GAB1: variants seen among roughly 807,000 people sequenced by gnomAD.
The protein encoded by GAB1 is GRB2-associated-binding protein 1.
Under a neutral mutation model 66.5 loss-of-function variants are expected in GAB1, and 19 were observed. The observed-to-expected ratio is 0.29, with a 90% CI of 0.20 to 0.42. The LOEUF is 0.42. Ranked by LOEUF, GAB1 falls within the 10% of genes least tolerant of loss-of-function variation. The pLI, the probability that GAB1 is intolerant of heterozygous loss-of-function variation, is 1.00. For synonymous variants in GAB1, 294 were observed against 301.4 expected (o/e 0.98, Z 0.25); for missense variants, 732 against 858.5 (o/e 0.85, Z 1.84).
Position 143,394,390 on chromosome 4 carries a change from ACCCACCTCAGTTAATCTGTGTGT to A in GAB1, c.73-21084_73-21062del, listed in dbSNP as rs1217252974. Among the ~76,000 whole-genome samples the A allele has an allele frequency of 3.3e-5, 5 of 152,316 alleles. No individual in the cohort carries two copies. The South Asian group carries it at 1.0e-3, about 32-fold the overall frequency. On this transcript the variant is annotated intron_variant, in intron 1 of 9. Transcript: ENST00000262994. ...GTTGACATCCCTCCTTCCCTTGGGA[ACCCACCTCAGTTAATCTGTGTGT>A]CCAATTTAAATGCTTCCATTTGAAG...
At chr4:143,379,480 A>G (rs1730566761) in intron 1 of GAB1, among the ~76,000 whole-genome samples, 1 of 152,162 alleles carries the variant, frequency 6.6e-6, no homozygotes, top group Non-Finnish European at 1.5e-5. Flanking sequence ...CTATGTGCTG[A>G]GACCCTAGGA....
Position 143,385,947 on chromosome 4 carries a change from C to T in GAB1, c.73-29530C>T, listed in dbSNP as rs138597764. 6.2e-3 allele frequency among the ~76,000 whole-genome samples: 944 copies of T among 152,092 alleles called. 14 individuals are homozygous for T. Among genetic ancestry groups the T allele is most frequent in the African/African-American group, 0.022 (902 of 41,482 alleles). The stretch of plus-strand genomic sequence containing the variant: ...TTGAGCCCAGGAGTTCAAGACAAGC[C>T]GGAGCAACATGGTGAAACCCTGTTT... On this transcript the variant is annotated intron_variant, in intron 1 of 9. Coordinates refer to ENST00000262994, the MANE Select transcript of GAB1 (RefSeq NM_002039.4).
intron 1 of GAB1, among the ~76,000 whole-genome samples, chr4:143,372,837 C>G (rs1339033846): frequency 6.6e-6 from 1 of 152,196 alleles, no homozygotes; most frequent in Non-Finnish European, 1.5e-5. Context: ...GTTTTGCCAA[C>G]AGTTTCTCAA....
intron 6 of GAB1, among the ~76,000 whole-genome samples, chr4:143,451,899 TAAAA>T (rs11316624): frequency 1.3e-5 from 2 of 149,004 alleles, no homozygotes; most frequent in Admixed American, 1.3e-4. Context: ...AGTGCTCATT[TAAAA>T]AAAAAAAATC....
At chr4:143,421,904 C>G (rs1733050513) in intron 2 of GAB1, among the ~76,000 whole-genome samples, 1 of 151,958 alleles carries the variant, frequency 6.6e-6, no homozygotes. Flanking sequence ...TCACAATCTA[C>G]TAAAGAGGGA....
At chr4:143,429,438 A>G (rs72949196) in intron 2 of GAB1, among the ~76,000 whole-genome samples, 12,472 of 152,158 alleles carry the variant, frequency 0.082, 980 homozygotes, top group African/African-American at 0.21. Context: ...TTTTAGATCG[A>G]CTTTGTTCCA....
intron 1 of GAB1, chr4:143,349,675 G>A (rs934981905): frequency 6.6e-7 from 1 of 1,512,610 alleles, no homozygotes; most frequent in Non-Finnish European, 9.0e-7. Flanking sequence ...GGGGACAATG[G>A]AGAGCTTGGC....
At chr4:143,440,474 GA>G in intron 6 of GAB1, 92 bp downstream of exon 6, 1 of 1,185,676 alleles carries the variant, frequency 8.4e-7, no homozygotes, top group Non-Finnish European at 1.2e-6. Flanking sequence ...ATTTGGACTA[GA>G]AATTCTGAAA....
chr4:143,365,671 G>A (rs1394023711), intron 1 of GAB1, among the ~76,000 whole-genome samples: 1 of 152,202 alleles, frequency 6.6e-6, no homozygotes, highest in Non-Finnish European at 1.5e-5. Flanking sequence ...TTTTCCCATA[G>A]AGCATTTTTC....
chr4:143,458,992 G>C (rs1295767257), intron 6 of GAB1, among the ~76,000 whole-genome samples: 1 of 151,998 alleles, frequency 6.6e-6, no homozygotes. Flanking sequence ...ATTTTACATA[G>C]ATGATTAAAT....
rs749724378 is a variant in GAB1 at position 143,438,496 on chromosome 4, G to A, written c.1091G>A (p.Arg364His). The A allele has an allele frequency of 3.5e-5, 56 of 1,613,692 alleles. No individual in the cohort carries two copies. The highest frequency in any genetic ancestry group is 3.4e-5 in the Non-Finnish European group (40 of 1,179,940). ...CCTGTGGAAACGTGTAGTATCCCACGCACCGCCTCAGACACTGACAGTAGT... is the reference window on the plus strand; with the variant it reads ...CCTGTGGAAACGTGTAGTATCCCACACACCGCCTCAGACACTGACAGTAGT... The part of the protein sequence containing the change: ...RSPVETCSIP[R>H]TASDTDSSYC... Residue 364 changes from arginine (R) to histidine (H), a missense_variant, in exon 4 of 10, where the codon CGC (arginine) becomes CAC (histidine). Arg to His is a conservative substitution (Grantham distance 29, BLOSUM62 0). Coordinates refer to ENST00000262994, the MANE Select transcript of GAB1 (RefSeq NM_002039.4).
At chr4:143,419,447 G>A (rs1229404557) in intron 2 of GAB1, among the ~76,000 whole-genome samples, 3 of 152,010 alleles carry the variant, frequency 2.0e-5, no homozygotes, top group African/African-American at 7.2e-5. Flanking sequence ...TAGATGAGAG[G>A]TATATTTAGG....
At chr4:143,443,841 G>C (rs1734367622) in intron 6 of GAB1, among the ~76,000 whole-genome samples, 1 of 152,122 alleles carries the variant, frequency 6.6e-6, no homozygotes, top group Non-Finnish European at 1.5e-5. Context: ...ATACAGATGA[G>C]CTTTTCAAAT....
chr4:143,349,859 C>G, intron 1 of GAB1: 1 of 1,581,814 alleles, frequency 6.3e-7, no homozygotes, highest in South Asian at 1.1e-5. Flanking sequence ...TTGAGAGAGG[C>G]CCCCAGGAAA....
intron 1 of GAB1, among the ~76,000 whole-genome samples, chr4:143,356,477 C>CA (rs3840287): frequency 0.47 from 71,268 of 151,998 alleles, 18,153 homozygotes; most frequent in East Asian, 0.74. Context: ...CTTTCATACC[C>CA]ATAGAGGAAT....
rs1037444959 is a variant in GAB1, at chr4:143,474,167, C to A, written c.*4978C>A. The A allele has an allele frequency of 3.3e-5, 5 of 152,220 alleles. No individual in the cohort carries two copies. Among genetic ancestry groups the A allele is most frequent in the African/African-American group, 9.6e-5 (4 of 41,558 alleles). 9.4% of individuals were successfully genotyped at this position (152,220 alleles called of 1,614,324 possible). A position where few individuals can be genotyped will look rare whatever the true frequency, so the allele number is the denominator to read the frequency against. On this transcript the variant is annotated 3_prime_UTR_variant, in exon 10 of 10. Coordinates refer to ENST00000262994, the MANE Select transcript of GAB1 (RefSeq NM_002039.4). ...CCTGATTTAAAATTATACAAAATTA[C>A]TATTTTTGATAAAATAAAGGAACAC...
In GAB1 at chr4:143,369,295, T is replaced by A. The variant is rs1400127790; in HGVS notation, c.72+32035T>A. ...TTTCACCATGTTGGCCAGGTTGGTC[T>A]CAAACTCCTGACCTCAAGTGATCTG... On this transcript the variant is annotated intron_variant, in intron 1 of 9. Coordinates refer to ENST00000262994, the MANE Select transcript of GAB1 (RefSeq NM_002039.4). Among the ~76,000 whole-genome samples, 4 of 152,124 alleles carry A rather than the reference T, an allele frequency of 2.6e-5. No homozygotes were observed. In the South Asian group the frequency reaches 6.2e-4, roughly 24 times the overall value.
chr4:143,375,940 C>T (rs1730398644), intron 1 of GAB1, among the ~76,000 whole-genome samples: 1 of 152,090 alleles, frequency 6.6e-6, no homozygotes, highest in Non-Finnish European at 1.5e-5. Context: ...AATAGCCGCC[C>T]CCTAATTGAG....
chr4:143,428,962 G>A (rs1377438616), intron 2 of GAB1, among the ~76,000 whole-genome samples: 2 of 151,936 alleles, frequency 1.3e-5, no homozygotes, highest in East Asian at 1.9e-4. Context: ...AAACCTGCAC[G>A]TTGTGCACAT....
Sources: gnomAD v4.1 joint callset for allele counts (sites outside exome capture counted in the v4.1 genomes callset) on GRCh38, gnomAD v4.1.1 for gene constraint, MANE v1.5 for transcripts, NCBI Gene and HGNC (gene_info 2026-07-23, HGNC 2026-07-21) for gene names.